The following LINGO2 variants were observed in gnomAD, a reference collection of about 807,000 sequenced individuals.
The protein encoded by LINGO2 is leucine rich repeat and Ig domain containing 2, also known as leucine-rich repeat and immunoglobulin-like domain-containing nogo receptor-interacting protein 2.
LINGO2 carries 14 observed loss-of-function variants against 30.6 expected under a neutral mutation model. The ratio of observed to expected loss-of-function variants is 0.46; its 90% CI spans 0.30 to 0.72. The LOEUF is 0.72. LINGO2 is among the 30% of genes least tolerant of loss of function. The pLI is 0.07. For missense variants in LINGO2, 729 were observed against 751.7 expected (o/e 0.97, Z 0.35); for synonymous variants, 317 against 288.5 (o/e 1.10, Z -1.00).
chr9:28,894,464 T>A, the LINGO2 span, among the ~76,000 whole-genome samples: 110,792 of 151,866 alleles, frequency 0.73, 40,664 homozygotes, highest in Non-Finnish European at 0.78. Flanking sequence ...ATGTCAATTA[T>A]TTCTCTTATG....
At chr9:28,975,259 C>A in the LINGO2 span, among the ~76,000 whole-genome samples, 25,323 of 151,982 alleles carry the variant, frequency 0.17, 2,212 homozygotes, top group East Asian at 0.27. Context: ...TAATTTATAG[C>A]CTCTAAGTTA....
the LINGO2 span, among the ~76,000 whole-genome samples, chr9:29,029,060 C>T: frequency 6.6e-6 from 1 of 152,108 alleles, no homozygotes; most frequent in Non-Finnish European, 1.5e-5. Flanking sequence ...TGGAGGCACT[C>T]AAGCTTCATT....
the LINGO2 span, among the ~76,000 whole-genome samples, chr9:28,929,684 C>A: frequency 6.6e-6 from 1 of 152,124 alleles, no homozygotes; most frequent in Non-Finnish European, 1.5e-5. Flanking sequence ...CACATAAATC[C>A]TAAGTATTAT....
the LINGO2 span, among the ~76,000 whole-genome samples, chr9:28,964,423 T>C: frequency 2.0e-5 from 3 of 151,880 alleles, no homozygotes; most frequent in Non-Finnish European, 4.4e-5. Context: ...GAATATTAGC[T>C]AAAATATTGA....
the LINGO2 span, among the ~76,000 whole-genome samples, chr9:29,182,133 G>C: frequency 4.0e-3 from 614 of 152,252 alleles, 1 homozygote; most frequent in South Asian, 7.5e-3. Flanking sequence ...CCTTGCAAAA[G>C]GCTTTCATTT....
At chr9:28,207,964 T>C (rs913623663) in intron 4 of LINGO2, among the ~76,000 whole-genome samples, 1 of 152,040 alleles carries the variant, frequency 6.6e-6, no homozygotes, top group Non-Finnish European at 1.5e-5. Flanking sequence ...ATAAGTAGAT[T>C]GGAAATTCAA....
intron 4 of LINGO2, among the ~76,000 whole-genome samples, chr9:28,150,787 G>A (rs566619599): frequency 2.0e-5 from 3 of 152,206 alleles, no homozygotes; most frequent in African/African-American, 4.8e-5. Flanking sequence ...CAGGAGCCTC[G>A]TAAAGCGCCT....
the LINGO2 span, among the ~76,000 whole-genome samples, chr9:28,853,045 C>T: frequency 3.3e-5 from 5 of 152,166 alleles, no homozygotes; most frequent in South Asian, 1.0e-3. Context: ...AGGTGAATGG[C>T]AGACCTGGAG....
the LINGO2 span, among the ~76,000 whole-genome samples, chr9:29,208,546 G>C: frequency 2.6e-5 from 4 of 151,856 alleles, no homozygotes; most frequent in Non-Finnish European, 5.9e-5. Context: ...TCTCATCAAA[G>C]GCATATCAAA....
chr9:28,669,063 A>G (rs1320122525), intron 1 of LINGO2, among the ~76,000 whole-genome samples: 2 of 151,990 alleles, frequency 1.3e-5, no homozygotes, highest in Non-Finnish European at 2.9e-5. Context: ...TACCCTAGTT[A>G]CCCCTTAAAT....
At chr9:29,187,104 A>C in the LINGO2 span, among the ~76,000 whole-genome samples, 1 of 152,148 alleles carries the variant, frequency 6.6e-6, no homozygotes, top group East Asian at 1.9e-4. Context: ...TAAAATCTGA[A>C]CCAAGATTTC....
chr9:28,984,929 T>C, the LINGO2 span, among the ~76,000 whole-genome samples: 2 of 152,074 alleles, frequency 1.3e-5, no homozygotes, highest in Non-Finnish European at 2.9e-5. Flanking sequence ...ACCATCACTA[T>C]ATTCACCACA....
chr9:28,158,630 A>T (rs1488199432), intron 4 of LINGO2, among the ~76,000 whole-genome samples: 1 of 152,126 alleles, frequency 6.6e-6, no homozygotes, highest in Non-Finnish European at 1.5e-5. Context: ...TGTGGGTGGG[A>T]GGGAGGCTTG....
the LINGO2 span, among the ~76,000 whole-genome samples, chr9:29,133,692 G>T: frequency 1.3e-5 from 2 of 152,090 alleles, no homozygotes; most frequent in African/African-American, 4.8e-5. Context: ...ACATTTGTCA[G>T]AAATAGCTCC....
At chr9:28,065,974 G>C (rs754421727) in intron 4 of LINGO2, among the ~76,000 whole-genome samples, 14 of 151,944 alleles carry the variant, frequency 9.2e-5, no homozygotes, top group Non-Finnish European at 2.1e-4. Context: ...TTCTCTCTCT[G>C]TAGCTTGACA....
At chr9:28,159,767 G>C (rs1056967207) in intron 4 of LINGO2, among the ~76,000 whole-genome samples, 1 of 152,154 alleles carries the variant, frequency 6.6e-6, no homozygotes, top group African/African-American at 2.4e-5. Flanking sequence ...TGTTTTACCA[G>C]ATTGCTTAAC....
chr9:28,442,627 A>G (rs1824246331), intron 2 of LINGO2, among the ~76,000 whole-genome samples: 1 of 151,822 alleles, frequency 6.6e-6, no homozygotes, highest in African/African-American at 2.4e-5. Flanking sequence ...GCATTCATTT[A>G]TTTTCTTGTT....
At chr9:29,184,857 A>G in the LINGO2 span, among the ~76,000 whole-genome samples, 1 of 152,208 alleles carries the variant, frequency 6.6e-6, no homozygotes, top group Non-Finnish European at 1.5e-5. Flanking sequence ...ACATTGTCAT[A>G]AAGTTTATTA....
chr9:28,501,593 A>T (rs1459974889), intron 1 of LINGO2, among the ~76,000 whole-genome samples: 1 of 152,114 alleles, frequency 6.6e-6, no homozygotes, highest in African/African-American at 2.4e-5. Context: ...TTCCCTAGTA[A>T]AAGCCAGAGA....
Sources: allele counts gnomAD v4.1 joint callset (sites outside exome capture counted in the v4.1 genomes callset), GRCh38; gene constraint gnomAD v4.1.1; transcripts MANE v1.5; gene names NCBI Gene and HGNC (gene_info 2026-07-23, HGNC 2026-07-21).